The following SLCO1B1 variants were observed in gnomAD, a reference collection of about 807,000 sequenced individuals.
SLCO1B1 encodes the protein OATP-2.
SLCO1B1 carries 81 observed loss-of-function variants against 70.1 expected under a neutral mutation model. That is an observed-to-expected ratio of 1.16 (90% CI 0.97 to 1.39). The LOEUF (loss-of-function observed/expected upper bound fraction) is 1.39. Among genes scored for constraint, SLCO1B1 ranks in the 40% most tolerant of loss-of-function variants. The pLI, the probability that SLCO1B1 is intolerant of heterozygous loss-of-function variation, is 0.00. For synonymous variants in SLCO1B1, 283 were observed against 271.5 expected, an observed-to-expected ratio of 1.04 and a Z score of -0.42; for missense variants, 895 against 799.6, an observed-to-expected ratio of 1.12 and a Z score of -1.44.
At chr12:21,187,426 G>A (rs1216379762) in intron 7 of SLCO1B1, among the ~76,000 whole-genome samples, 1 of 151,962 alleles carries the variant, frequency 6.6e-6, no homozygotes, top group African/African-American at 2.4e-5. Flanking sequence ...CATATCAGTC[G>A]ATGCCCCTGG....
chr12:21,231,809 A>T (rs1273171846), intron 14 of SLCO1B1, among the ~76,000 whole-genome samples: 1 of 152,086 alleles, frequency 6.6e-6, no homozygotes, highest in Non-Finnish European at 1.5e-5. Context: ...GAGCACTTGG[A>T]TATCCATTTT....
chr12:21,202,581 A>G lies in SLCO1B1; in HGVS notation c.1226A>G (p.Lys409Arg), dbSNP rs199859384. ...AAACTGAACACCGTTGGAATTGCCAAATTCTCATGTTTTACTGCTGTGATG... is the reference window on the plus strand; with the variant it reads ...AAACTGAACACCGTTGGAATTGCCAGATTCTCATGTTTTACTGCTGTGATG... ...KFKLNTVGIA[K>R]FSCFTAVMSL... is the part of the protein sequence containing the mutation. Residue 409 changes from lysine to arginine, a missense_variant, in exon 10 of 15, where the codon AAA (lysine) becomes AGA (arginine). Lys to Arg is a conservative substitution (Grantham distance 26, BLOSUM62 2). Coordinates refer to ENST00000256958, the MANE Select transcript of SLCO1B1 (RefSeq NM_006446.5). The G allele has an allele frequency of 1.2e-5, 19 of 1,612,616 alleles. 1 individual carries two copies. In the South Asian group the frequency reaches 1.6e-4, roughly 14 times the overall value.
intron 2 of SLCO1B1, among the ~76,000 whole-genome samples, chr12:21,148,973 C>T (rs555329759): frequency 1.1e-4 from 16 of 152,186 alleles, no homozygotes; most frequent in African/African-American, 3.1e-4. Flanking sequence ...GTATTTTATT[C>T]TCATTGTAGC....
chr12:21,224,699 C>A, intron 13 of SLCO1B1, 23 bp from the exon 14 acceptor site: 1 of 1,299,272 alleles, frequency 7.7e-7, no homozygotes, highest in South Asian at 1.2e-5. Flanking sequence ...CCTAAACTGA[C>A]ATCTTCTCTT....
At chr12:21,215,771 T>C (rs550246527) in intron 11 of SLCO1B1, among the ~76,000 whole-genome samples, 6 of 152,302 alleles carry the variant, frequency 3.9e-5, no homozygotes, top group Admixed American at 3.3e-4. Context: ...TTCAGAATAA[T>C]TTAGTACAGT....
intron 2 of SLCO1B1, among the ~76,000 whole-genome samples, chr12:21,149,861 T>G (rs1287088210): frequency 6.6e-6 from 1 of 151,836 alleles, no homozygotes; most frequent in East Asian, 1.9e-4. Flanking sequence ...AACCCTTCAC[T>G]CCCCTGGAAA....
intron 3 of SLCO1B1, among the ~76,000 whole-genome samples, chr12:21,173,064 C>A (rs1276909160): frequency 6.6e-6 from 1 of 152,032 alleles, no homozygotes; most frequent in African/African-American, 2.4e-5. Context: ...GTTCAGAAAC[C>A]CTGATTCTAC....
At chr12:21,137,549 C>T (rs1216190385) in intron 1 of SLCO1B1, among the ~76,000 whole-genome samples, 4 of 152,292 alleles carry the variant, frequency 2.6e-5, no homozygotes, top group South Asian at 4.1e-4. Flanking sequence ...GGCCGCCCCT[C>T]CCCCAGCCTC....
intron 2 of SLCO1B1, among the ~76,000 whole-genome samples, chr12:21,165,869 C>G (rs896143052): frequency 6.6e-6 from 1 of 152,072 alleles, no homozygotes; most frequent in African/African-American, 2.4e-5. Flanking sequence ...GTTGTTTAAG[C>G]CATCCGTTCC....
intron 12 of SLCO1B1, among the ~76,000 whole-genome samples, chr12:21,218,942 G>C (rs908372391): frequency 1.3e-5 from 2 of 152,170 alleles, no homozygotes; most frequent in Admixed American, 1.3e-4. Flanking sequence ...TTAACACTAT[G>C]AAGCTATTTT....
Position 21,222,352 on chromosome 12 carries a change from A to G in SLCO1B1, c.1735A>G (p.Ile579Val). The G allele has an allele frequency of 1.3e-6, 1 of 763,086 alleles. No individual in the cohort carries two copies. Among genetic ancestry groups the G allele is most frequent in the Non-Finnish European group, 1.9e-6 (1 of 535,834 alleles). 47.3% of individuals were successfully genotyped at this position (763,086 alleles called of 1,614,324 possible). A position where few individuals can be genotyped will look rare whatever the true frequency, so the allele number is the denominator to read the frequency against. ...SLALGFHSMVIRALGGILAPI... is the reference protein window; with the variant it reads ...SLALGFHSMVVRALGGILAPI... ...TGCACTGGGTTTCCACTCAATGGTT[A>G]TACGAGCACTAGGTATGATGAAAAA... The change falls in exon 13 of 15, where the codon ATA becomes GTA. Residue 579 changes from isoleucine (I) to valine (V), a missense_variant. Ile to Val is a conservative substitution (Grantham distance 29). Coordinates refer to ENST00000256958, the MANE Select transcript of SLCO1B1 (RefSeq NM_006446.5).
intron 10 of SLCO1B1, among the ~76,000 whole-genome samples, chr12:21,203,335 T>C (rs1302633323): frequency 2.0e-5 from 3 of 152,064 alleles, no homozygotes; most frequent in Admixed American, 1.3e-4. Flanking sequence ...TTACCATGTA[T>C]AGCAAAGTAT....
chr12:21,227,526 C>G (rs931605650), intron 14 of SLCO1B1, among the ~76,000 whole-genome samples: 1 of 151,936 alleles, frequency 6.6e-6, no homozygotes, highest in Non-Finnish European at 1.5e-5. Flanking sequence ...AGAATTGTAC[C>G]CCACAGACAT....
At chr12:21,141,452 T>C (rs1173401301) in intron 1 of SLCO1B1, 62 bp from the exon 2 acceptor site, 3 of 596,484 alleles carry the variant, frequency 5.0e-6, no homozygotes, top group Non-Finnish European at 6.0e-6. Flanking sequence ...CTTGTGGCTT[T>C]TCTTATTTCT....
intron 11 of SLCO1B1, among the ~76,000 whole-genome samples, chr12:21,214,567 C>T (rs1224639224): frequency 6.6e-6 from 1 of 150,984 alleles, no homozygotes; most frequent in African/African-American, 2.4e-5. Context: ...AGGCAGGCCT[C>T]CTTGAGCTGT....
At chr12:21,169,932 C>G (rs11045815) in intron 2 of SLCO1B1, among the ~76,000 whole-genome samples, 54,716 of 152,002 alleles carry the variant, frequency 0.36, 11,910 homozygotes, top group South Asian at 0.48. Context: ...TGCTTTTTTT[C>G]TAGTATGTTT....
At position 21,152,413 on chromosome 12, in the gene SLCO1B1, T is replaced by A. The variant is rs12308079; in HGVS notation, c.84+10755T>A. Among the ~76,000 whole-genome samples, 1,343 of 151,774 alleles carry A rather than the reference T, an allele frequency of 8.8e-3. 26 individuals carry two copies. Among genetic ancestry groups the A allele is most frequent in the African/African-American group, 0.031 (1,288 of 41,488 alleles). ...CTGTCTCTTCAAAATTATATATATT[T>A]TTTTTCTTTTAGATGACTGGTAATA... On this transcript the variant is annotated intron_variant, in intron 2 of 14. Transcript: ENST00000256958.
At chr12:21,136,440 C>G in intron 1 of SLCO1B1, among the ~76,000 whole-genome samples, 1 of 152,124 alleles carries the variant, frequency 6.6e-6, no homozygotes, top group South Asian at 2.1e-4. Context: ...CAACTTGGTT[C>G]CCTTCTCCCC....
At chr12:21,181,780 A>G (rs1940901839) in intron 7 of SLCO1B1, among the ~76,000 whole-genome samples, 1 of 152,146 alleles carries the variant, frequency 6.6e-6, no homozygotes, top group Admixed American at 6.5e-5. Context: ...GACTTTTTTC[A>G]ATAAATATAT....
Sources: allele counts gnomAD v4.1 joint callset (sites outside exome capture counted in the v4.1 genomes callset), GRCh38; gene constraint gnomAD v4.1.1; transcripts MANE v1.5; gene names NCBI Gene and HGNC (gene_info 2026-07-23, HGNC 2026-07-21).